ADAMTS12: variants seen among roughly 807,000 people sequenced by gnomAD.
The protein encoded by ADAMTS12 is A disintegrin and metalloproteinase with thrombospondin motifs 12.
A neutral mutation model predicts 167.8 loss-of-function variants in ADAMTS12; 118 were observed. The ratio of observed to expected loss-of-function variants is 0.70; its 90% CI spans 0.61 to 0.82. ADAMTS12 has a LOEUF of 0.82. Among genes scored for constraint, ADAMTS12 ranks in the 40% least tolerant of loss-of-function variants. The pLI is 0.00. For missense variants in ADAMTS12, 1,916 were observed against 1,998.8 expected (o/e 0.96, Z 0.79); for synonymous variants, 704 against 716.9 (o/e 0.98, Z 0.29).
chr5:33,827,668 G>C (rs924883784), intron 2 of ADAMTS12, among the ~76,000 whole-genome samples: 2 of 151,562 alleles, frequency 1.3e-5, no homozygotes, highest in South Asian at 4.2e-4. Flanking sequence ...GTTGTGCTTT[G>C]ACATGTATCC....
At chr5:33,607,213 G>A (rs192805115) in intron 16 of ADAMTS12, among the ~76,000 whole-genome samples, 2 of 142,730 alleles carry the variant, frequency 1.4e-5, no homozygotes, top group Non-Finnish European at 3.2e-5. Flanking sequence ...CTCTGTGACA[G>A]GCCCAATGCA....
rs918702094 is a variant in ADAMTS12, at chr5:33,680,941, C to T, written c.915+2077G>A. ...TGGACATAAATCATTTTCACCTCTACTAGGCAAAAACCATTTGTACCCTAT... is the reference window on the plus strand; with the variant it reads ...TGGACATAAATCATTTTCACCTCTATTAGGCAAAAACCATTTGTACCCTAT... On this transcript the variant is annotated intron_variant, in intron 5 of 23. Transcript: ENST00000504830. 2.6e-5 allele frequency among the ~76,000 whole-genome samples: 4 copies of T among 152,286 alleles called. No individual in the cohort carries two copies. The South Asian group carries it at 8.3e-4, about 32-fold the overall frequency.
Position 33,706,372 on chromosome 5 carries a change from G to T in ADAMTS12, c.635-22317C>A, listed in dbSNP as rs149372348. On this transcript the variant is annotated intron_variant, in intron 3 of 23. Transcript: ENST00000504830. ...CTCTAAGAACTTATTTTATGACTCT[G>T]AGTGTTCCTGTATAGGGTGCATATA... Among the ~76,000 whole-genome samples the T allele has an allele frequency of 5.4e-3, 828 of 152,280 alleles. 6 individuals carry two copies. The highest frequency in any genetic ancestry group is 0.019 in the African/African-American group (777 of 41,558).
intron 2 of ADAMTS12, among the ~76,000 whole-genome samples, chr5:33,851,523 G>C (rs893871695): frequency 2.0e-5 from 3 of 152,202 alleles, no homozygotes; most frequent in Admixed American, 1.3e-4. Flanking sequence ...TAGTAAAAGA[G>C]AGAATCCTTT....
chr5:33,640,075 C>T (rs1030341459), intron 11 of ADAMTS12, among the ~76,000 whole-genome samples: 5 of 152,254 alleles, frequency 3.3e-5, no homozygotes, highest in African/African-American at 9.6e-5. Flanking sequence ...TCTTATGAGC[C>T]GAGCTCTGCT....
intron 1 of ADAMTS12, among the ~76,000 whole-genome samples, chr5:33,887,131 A>G (rs2111800281): frequency 6.6e-6 from 1 of 152,288 alleles, no homozygotes; most frequent in East Asian, 1.9e-4. Flanking sequence ...AGCAGAACTC[A>G]GAGGAGATAT....
At chr5:33,881,705 G>A (rs1226444492) in intron 1 of ADAMTS12, among the ~76,000 whole-genome samples, 2 of 151,128 alleles carry the variant, frequency 1.3e-5, no homozygotes, top group African/African-American at 4.9e-5. Flanking sequence ...TGGGATTACA[G>A]GCATGTGCCA....
intron 3 of ADAMTS12, among the ~76,000 whole-genome samples, chr5:33,726,932 T>G (rs2112345332): frequency 6.6e-6 from 1 of 151,014 alleles, no homozygotes; most frequent in East Asian, 1.9e-4. Flanking sequence ...CCTGGGCAGA[T>G]GAGGCATCTC....
chr5:33,546,318 A>C (rs1699550736), intron 21 of ADAMTS12, 116 bp from the exon 22 acceptor site: 1 of 980,734 alleles, frequency 1.0e-6, no homozygotes, highest in Admixed American at 3.7e-5. Context: ...GAATATTGGT[A>C]TCTGTATTAG....
chr5:33,642,446 G>A (rs1228216148), intron 10 of ADAMTS12, among the ~76,000 whole-genome samples: 2 of 152,156 alleles, frequency 1.3e-5, no homozygotes, highest in Admixed American at 6.5e-5. Context: ...GAACTCATCC[G>A]CTGCAAAAAG....
At chr5:33,721,605 T>A (rs1203026975) in intron 3 of ADAMTS12, among the ~76,000 whole-genome samples, 2 of 152,222 alleles carry the variant, frequency 1.3e-5, no homozygotes, top group Non-Finnish European at 2.9e-5. Flanking sequence ...AGCCTGCTAG[T>A]GCATACAAAA....
chr5:33,815,922 A>G (rs1292776746), intron 2 of ADAMTS12, among the ~76,000 whole-genome samples: 1 of 152,182 alleles, frequency 6.6e-6, no homozygotes, highest in Non-Finnish European at 1.5e-5. Context: ...AAATGTCCAG[A>G]TGGATGTCCT....
chr5:33,535,119 A>G (rs529981116), intron 22 of ADAMTS12, 127 bp from the exon 23 acceptor site: 13 of 940,078 alleles, frequency 1.4e-5, no homozygotes, highest in Non-Finnish European at 2.0e-5. Flanking sequence ...ACCTTTTTGG[A>G]GGAGTCATAG....
At chr5:33,784,198 G>T (rs1240747768) in intron 2 of ADAMTS12, among the ~76,000 whole-genome samples, 1 of 151,796 alleles carries the variant, frequency 6.6e-6, no homozygotes, top group African/African-American at 2.4e-5. Context: ...ATATGAGGGA[G>T]AATTTTCAAC....
intron 13 of ADAMTS12, among the ~76,000 whole-genome samples, chr5:33,626,174 G>C (rs1165406200): frequency 1.3e-5 from 2 of 152,128 alleles, no homozygotes; most frequent in African/African-American, 4.8e-5. Flanking sequence ...AGTGATGGTA[G>C]TGGTGGTAAT....
intron 2 of ADAMTS12, among the ~76,000 whole-genome samples, chr5:33,838,572 ATGTG>A (rs1293158901): frequency 6.6e-6 from 1 of 152,050 alleles, no homozygotes; most frequent in African/African-American, 2.4e-5. Context: ...AGTCCCAGCT[ATGTG>A]GAGGCTGAGG....
In ADAMTS12 at chr5:33,650,023, C is replaced by A. The variant is rs555063595; in HGVS notation, c.1191-326G>T. Among the ~76,000 whole-genome samples, 24 of 152,244 alleles carry A rather than the reference C, an allele frequency of 1.6e-4. 1 individual carries two copies. In the South Asian group the frequency reaches 5.0e-3, roughly 32 times the overall value. On this transcript the variant is annotated intron_variant, in intron 7 of 23. Transcript: ENST00000504830. ...AGGAGTCAGGAAGGCAAATCCTGCC[C>A]CCAGCTATTTGCTTTCTCCTGCTGC...
At chr5:33,761,158 C>T (rs191289402) in intron 2 of ADAMTS12, among the ~76,000 whole-genome samples, 206 of 149,092 alleles carry the variant, frequency 1.4e-3, no homozygotes, top group African/African-American at 5.0e-3. Context: ...TTTTTCATAT[C>T]CCAGTAGCTC....
intron 2 of ADAMTS12, among the ~76,000 whole-genome samples, chr5:33,829,410 T>C (rs968371148): frequency 1.3e-5 from 2 of 152,194 alleles, no homozygotes; most frequent in Admixed American, 1.3e-4. Context: ...GTTTTATTAT[T>C]GCATACTTTA....
Sources: gnomAD v4.1 joint callset for allele counts (sites outside exome capture counted in the v4.1 genomes callset) on GRCh38, gnomAD v4.1.1 for gene constraint, MANE v1.5 for transcripts, NCBI Gene and HGNC (gene_info 2026-07-23, HGNC 2026-07-21) for gene names.